The following TNRC18 variants were observed in gnomAD, a reference collection of about 807,000 sequenced individuals.
TNRC18 encodes the protein trinucleotide repeat containing 18, also known as trinucleotide repeat-containing gene 18 protein.
In TNRC18, 69 loss-of-function variants were observed where a neutral mutation model predicts 226.7. The ratio of observed to expected loss-of-function variants is 0.30; its 90% CI spans 0.25 to 0.37. The LOEUF (loss-of-function observed/expected upper bound fraction) is 0.37. Among genes scored for constraint, TNRC18 ranks in the 10% least tolerant of loss-of-function variants. The pLI is 1.00. For missense variants in TNRC18, 4,754 were observed against 4,256.6 expected (o/e 1.12, Z -3.25); for synonymous variants, 2,449 against 1,927.6 (o/e 1.27, Z -7.09).
intron 2 of TNRC18, among the ~76,000 whole-genome samples, chr7:5,418,253 T>G (rs1018282141): frequency 6.6e-6 from 1 of 152,234 alleles, no homozygotes; most frequent in Non-Finnish European, 1.5e-5. Flanking sequence ...GTGAATATTT[T>G]GTTCACAATG....
chr7:5,390,135 A>C, intron 4 of TNRC18: 1 of 427,938 alleles, frequency 2.3e-6, no homozygotes. Context: ...AAGCCGAGGT[A>C]GGAGGATTGC....
chr7:5,351,904 G>C lies in TNRC18; in HGVS notation c.5385C>G (p.Ser1795Arg). The change falls in exon 17 of 30, where the codon AGC becomes AGG. Residue 1795 changes from serine to arginine, a missense_variant. Transcript: ENST00000430969. The stretch of plus-strand genomic sequence containing the variant: ...GCAGCAGACAAAACGGCTGCTTCCT[G>C]CTGGTGGCCGGCTTGGGTTTCAGAG... ...PRTLKPKPAT[S>R]RKQPFCLLLR... 6.2e-7 allele frequency: 1 copy of C among 1,613,678 alleles called. No homozygotes were observed. Among genetic ancestry groups the C allele is most frequent in the South Asian group, 1.1e-5 (1 of 91,064 alleles).
Position 5,389,257 on chromosome 7 carries a change from G to A in TNRC18, c.567C>T (p.Gly189=), listed in dbSNP as rs1175008590. 7.6e-7 allele frequency: 1 copy of A among 1,315,118 alleles called. No individual in the cohort carries two copies. Among genetic ancestry groups the A allele is most frequent in the Non-Finnish European group, 9.7e-7 (1 of 1,033,754 alleles). 81.5% of individuals were successfully genotyped at this position (1,315,118 alleles called of 1,614,324 possible). The change falls in exon 5 of 30, where the codon GGC becomes GGT. Residue 189 remains glycine, a synonymous_variant. Coordinates refer to ENST00000430969, the MANE Select transcript of TNRC18 (RefSeq NM_001080495.3). Reference sequence around the variant, plus strand: ...CTTTGGCCGGGGCGCCCGAGGAGTGGCCGCCGCCAGGGGTCCGGGCCGAGG... The same window carrying A: ...CTTTGGCCGGGGCGCCCGAGGAGTGACCGCCGCCAGGGGTCCGGGCCGAGG... ...HAPSARTPGG[G]HSSGAPAKGS... is the part of the protein sequence containing the mutation.
intron 17 of TNRC18, among the ~76,000 whole-genome samples, chr7:5,348,575 C>T (rs1791448617): frequency 2.7e-5 from 4 of 149,730 alleles, no homozygotes; most frequent in Admixed American, 2.7e-4. Flanking sequence ...TGGAGACAGC[C>T]CGGATTTCTG....
At chr7:5,358,462 T>C (rs1792684456) in intron 15 of TNRC18, among the ~76,000 whole-genome samples, 2 of 152,156 alleles carry the variant, frequency 1.3e-5, no homozygotes, top group African/African-American at 4.8e-5. Flanking sequence ...ACTGGCAATC[T>C]TTCTTCTCTT....
At chr7:5,404,161 A>G (rs894314018) in intron 2 of TNRC18, among the ~76,000 whole-genome samples, 1 of 152,202 alleles carries the variant, frequency 6.6e-6, no homozygotes, top group Non-Finnish European at 1.5e-5. Context: ...TCACAAGGTC[A>G]AGAGTTCAAG....
At position 5,388,381 on chromosome 7, in the gene TNRC18, G is replaced by A; in HGVS notation, c.1443C>T (p.Gly481=). 1 of 1,530,290 alleles carries A rather than the reference G, an allele frequency of 6.5e-7. No homozygotes were observed. Among genetic ancestry groups the A allele is most frequent in the East Asian group, 2.5e-5 (1 of 39,980 alleles). 94.8% of individuals were successfully genotyped at this position (1,530,290 alleles called of 1,614,324 possible). A position where few individuals can be genotyped will look rare whatever the true frequency, so the allele number is the denominator to read the frequency against. The part of the protein sequence containing the change: ...DPRPCERAPR[G]PAGPAAQQAA... Reference sequence around the variant, plus strand: ...CCTGTTGGGCTGCAGGACCGGCTGGGCCGCGGGGCGCACGCTCGCAGGGCC... The same window carrying A: ...CCTGTTGGGCTGCAGGACCGGCTGGACCGCGGGGCGCACGCTCGCAGGGCC... The change falls in exon 5 of 30, where the codon GGC becomes GGT. Residue 481 remains glycine (G), a synonymous_variant. Transcript: ENST00000430969.
chr7:5,423,829 G>A lies in TNRC18; in HGVS notation c.-632C>T, dbSNP rs1217118964. On this transcript the variant is annotated 5_prime_UTR_variant, in exon 1 of 30. Transcript: ENST00000430969. Reference sequence around the variant, plus strand: ...ACCCCCCTTTCAAGTTCCTCTCGCAGGATCTAAAAAAAAAAAAAAAAAGGC... The same window carrying A: ...ACCCCCCTTTCAAGTTCCTCTCGCAAGATCTAAAAAAAAAAAAAAAAAGGC... 1.0e-4 allele frequency among the ~76,000 whole-genome samples: 15 copies of A among 143,206 alleles called. No homozygotes were observed. Among genetic ancestry groups the A allele is most frequent in the Admixed American group, 4.8e-4 (7 of 14,480 alleles). 93.9% of individuals were successfully genotyped at this position (143,206 alleles called of 152,430 possible).
intron 3 of TNRC18, among the ~76,000 whole-genome samples, chr7:5,393,346 G>A (rs1780434339): frequency 6.6e-6 from 1 of 152,262 alleles, no homozygotes; most frequent in Admixed American, 6.5e-5. Context: ...TCCAGGAAGA[G>A]CAGACTCGCT....
chr7:5,382,572 G>A (rs1583999943), intron 5 of TNRC18, among the ~76,000 whole-genome samples: 1 of 152,126 alleles, frequency 6.6e-6, no homozygotes. Context: ...ACTGGATAGA[G>A]GCCCCAGCAG....
chr7:5,420,965 G>A (rs1384430324), intron 2 of TNRC18, 95 bp downstream of exon 2: 12 of 1,481,726 alleles, frequency 8.1e-6, no homozygotes, highest in Non-Finnish European at 1.1e-5. Context: ...CCGAAGGAGA[G>A]TCGCCGAGCC....
chr7:5,418,951 A>G (rs1782363888), intron 2 of TNRC18, among the ~76,000 whole-genome samples: 2 of 152,208 alleles, frequency 1.3e-5, no homozygotes, highest in African/African-American at 4.8e-5. Context: ...GACAGCCAGA[A>G]CCAGCACCGG....
chr7:5,369,601 G>A (rs770575306), intron 11 of TNRC18, among the ~76,000 whole-genome samples: 5 of 152,070 alleles, frequency 3.3e-5, no homozygotes, highest in Non-Finnish European at 2.9e-5. Flanking sequence ...AGGAGACGGG[G>A]ACACAGAGAG....
chr7:5,412,867 C>T (rs1014740996), intron 2 of TNRC18, among the ~76,000 whole-genome samples: 7 of 152,278 alleles, frequency 4.6e-5, no homozygotes, highest in Middle Eastern at 3.4e-3. Context: ...TCAGGGTTTC[C>T]CCCCAGGCTG....
At chr7:5,374,602 G>A (rs1794471938) in intron 9 of TNRC18, 118 bp from the exon 10 acceptor site, 2 of 1,100,710 alleles carry the variant, frequency 1.8e-6, no homozygotes, top group South Asian at 3.2e-5. Flanking sequence ...TGCAGGGCCT[G>A]GGGTCCAGGC....
rs935587119 is a variant in TNRC18 at position 5,313,322 on chromosome 7, C to A, written c.7569G>T (p.Gly2523=). Residue 2523 remains glycine (G), a synonymous_variant, in exon 27 of 30, where the codon GGG becomes GGT. Transcript: ENST00000430969. ...CCGGCCCGGGCTCCTGGGCGAGGTC[C>A]CCGTCGGTGGCCTTGGGCCAGGGTG... ...PKAPWPKATD[G]DLAQEPGPGL... 1.2e-5 allele frequency: 18 copies of A among 1,550,644 alleles called. No homozygotes were observed. Among genetic ancestry groups the A allele is most frequent in the Non-Finnish European group, 1.5e-5 (17 of 1,148,002 alleles).
At chr7:5,408,689 G>C in intron 2 of TNRC18, among the ~76,000 whole-genome samples, 1 of 152,172 alleles carries the variant, frequency 6.6e-6, no homozygotes, top group East Asian at 1.9e-4. Flanking sequence ...AAAGCAGAGA[G>C]ACAAGAGATG....
At chr7:5,393,324 T>C (rs1434349267) in intron 3 of TNRC18, among the ~76,000 whole-genome samples, 1 of 152,242 alleles carries the variant, frequency 6.6e-6, no homozygotes. Context: ...TTCAGATGCC[T>C]TCCCCAGAGT....
intron 5 of TNRC18, among the ~76,000 whole-genome samples, chr7:5,379,549 T>C (rs1199970187): frequency 2.0e-5 from 3 of 152,142 alleles, no homozygotes; most frequent in Admixed American, 6.5e-5. Flanking sequence ...GTCCCAGGCC[T>C]GGCACATGGA....
Sources: gnomAD v4.1 joint callset for allele counts (sites outside exome capture counted in the v4.1 genomes callset) on GRCh38, gnomAD v4.1.1 for gene constraint, MANE v1.5 for transcripts, NCBI Gene and HGNC (gene_info 2026-07-23, HGNC 2026-07-21) for gene names.